The following PALS1 variants were observed in gnomAD, a reference collection of about 807,000 sequenced individuals.
The protein encoded by PALS1 is protein PALS1.
A neutral mutation model predicts 78.9 loss-of-function variants in PALS1; 31 were observed. The observed-to-expected ratio is 0.39, with a 90% CI of 0.30 to 0.53. PALS1 has a LOEUF of 0.53. PALS1 is among the 20% of genes least tolerant of loss of function. PALS1 has a pLI of 0.67. For synonymous variants in PALS1, 276 were observed against 270.9 expected (o/e 1.02, Z -0.18); for missense variants, 704 against 826.5 (o/e 0.85, Z 1.82).
At chr14:67,307,303 A>G (rs547689885) in intron 8 of PALS1, among the ~76,000 whole-genome samples, 29 of 144,362 alleles carry the variant, frequency 2.0e-4, no homozygotes, top group Non-Finnish European at 3.5e-4. Flanking sequence ...AGATTATTCT[A>G]TACTATAATA....
chr14:67,312,841 G>A (rs759744245), intron 9 of PALS1, 131 bp downstream of exon 9: 4 of 690,050 alleles, frequency 5.8e-6, no homozygotes, highest in African/African-American at 1.8e-5. Context: ...GTGTAGTTGG[G>A]TTTTTATGTT....
chr14:67,269,850 A>C (rs1349911919), intron 2 of PALS1, 67 bp downstream of exon 2: 1 of 152,562 alleles, frequency 6.6e-6, no homozygotes, highest in Non-Finnish European at 1.5e-5. Context: ...CTATGGAAAC[A>C]AATAGTTTAA....
intron 9 of PALS1, among the ~76,000 whole-genome samples, chr14:67,316,453 A>G (rs1429827704): frequency 6.6e-6 from 1 of 152,200 alleles, no homozygotes; most frequent in Non-Finnish European, 1.5e-5. Context: ...TGTTTTGGAA[A>G]AGTTAATTCC....
intron 1 of PALS1, among the ~76,000 whole-genome samples, chr14:67,247,417 G>A (rs757309328): frequency 3.3e-5 from 5 of 151,944 alleles, no homozygotes; most frequent in African/African-American, 1.2e-4. Context: ...TTTTATTTTA[G>A]TAATTTTTTT....
intron 3 of PALS1, among the ~76,000 whole-genome samples, chr14:67,291,702 A>C (rs963190043): frequency 9.9e-5 from 15 of 152,258 alleles, no homozygotes; most frequent in Non-Finnish European, 2.2e-4. Flanking sequence ...AGTACAACTT[A>C]GGAGACTCAC....
At chr14:67,268,317 C>G (rs914127338) in intron 1 of PALS1, among the ~76,000 whole-genome samples, 1 of 152,154 alleles carries the variant, frequency 6.6e-6, no homozygotes, top group East Asian at 1.9e-4. Flanking sequence ...AACTCTCATA[C>G]GATCGAATTC....
intron 3 of PALS1, among the ~76,000 whole-genome samples, chr14:67,284,582 A>G (rs1258177979): frequency 6.9e-6 from 1 of 144,728 alleles, no homozygotes; most frequent in African/African-American, 2.6e-5. Flanking sequence ...AAAAAAAAAA[A>G]AAAAAAGGTT....
intron 1 of PALS1, among the ~76,000 whole-genome samples, chr14:67,253,227 T>C (rs562314226): frequency 9.8e-5 from 15 of 152,354 alleles, no homozygotes; most frequent in Admixed American, 2.6e-4. Flanking sequence ...AGATGGTACA[T>C]CAAGAATGGT....
chr14:67,306,360 T>C (rs2085003873), intron 8 of PALS1, among the ~76,000 whole-genome samples: 1 of 152,164 alleles, frequency 6.6e-6, no homozygotes, highest in Admixed American at 6.5e-5. Flanking sequence ...TTTTGTTTTT[T>C]TTGAGACAGA....
Position 67,279,491 on chromosome 14 carries a change from G to A in PALS1, c.321G>A (p.Glu107=), listed in dbSNP as rs2084569882. 5.7e-6 allele frequency: 9 copies of A among 1,579,712 alleles called. No homozygotes were observed. Among genetic ancestry groups the A allele is most frequent in the Non-Finnish European group, 6.9e-6 (8 of 1,165,246 alleles). The change falls in exon 3 of 15, where the codon GAG becomes GAA. Residue 107 remains glutamate, a synonymous_variant. Transcript: ENST00000261681. ...TAGATAACCCTATGTTTGATACAGA[G>A]GAAGGAATTGTCTTAGAAAGTCCTC... ...TGIDNPMFDT[E]EGIVLESPHY...
chr14:67,312,018 G>C (rs2085097748), intron 8 of PALS1: 1 of 152,640 alleles, frequency 6.6e-6, no homozygotes, highest in Admixed American at 6.5e-5. Context: ...GTAAGGTAAA[G>C]TGTACCTTTT....
chr14:67,286,710 T>G (rs924665526), intron 3 of PALS1, among the ~76,000 whole-genome samples: 8 of 150,708 alleles, frequency 5.3e-5, no homozygotes, highest in African/African-American at 2.0e-4. Context: ...AATACAAAAA[T>G]AGCCAGGTGT....
intron 14 of PALS1, among the ~76,000 whole-genome samples, chr14:67,324,377 G>A: frequency 6.6e-6 from 1 of 151,986 alleles, no homozygotes; most frequent in Non-Finnish European, 1.5e-5. Flanking sequence ...ATGTAAGATG[G>A]TAACTCTGTC....
intron 1 of PALS1, among the ~76,000 whole-genome samples, chr14:67,247,418 T>A (rs979913595): frequency 5.9e-5 from 9 of 152,158 alleles, no homozygotes; most frequent in African/African-American, 1.7e-4. Context: ...TTTATTTTAG[T>A]AATTTTTTTT....
chr14:67,270,918 G>C (rs1160860243), intron 2 of PALS1: 2 of 152,166 alleles, frequency 1.3e-5, no homozygotes, highest in Admixed American at 1.3e-4. Flanking sequence ...CTTGAAGGTA[G>C]AAATCAATGG....
intron 1 of PALS1, among the ~76,000 whole-genome samples, chr14:67,262,599 A>T (rs762741010): frequency 1.3e-5 from 2 of 152,118 alleles, no homozygotes; most frequent in Non-Finnish European, 2.9e-5. Flanking sequence ...TTTATTGGCC[A>T]CTCCACTTAC....
At position 67,334,316 on chromosome 14, in the gene PALS1, A is replaced by AAACTT. The variant is rs2085496300; in HGVS notation, c.*1363_*1367dup. The AAACTT allele has an allele frequency of 6.6e-6, 1 of 152,634 alleles. No individual in the cohort carries two copies. Among genetic ancestry groups the AAACTT allele is most frequent in the Non-Finnish European group, 1.5e-5 (1 of 68,018 alleles). The allele number at this position is 152,634 out of a possible 1,614,324, so 9.5% of individuals were successfully genotyped here. A position where few individuals can be genotyped will look rare whatever the true frequency, so the allele number is the denominator to read the frequency against. ...AATTCAACGTATATAATTGGCATGGAAACTTAATTTGCAGTCTTTTCAAGC... is the reference window on the plus strand; with the variant it reads ...AATTCAACGTATATAATTGGCATGGAAACTTAACTTAATTTGCAGTCTTTTCAAGC... On this transcript the variant is annotated 3_prime_UTR_variant, in exon 15 of 15. Coordinates refer to ENST00000261681, the MANE Select transcript of PALS1 (RefSeq NM_022474.4).
intron 6 of PALS1, 132 bp from the exon 7 acceptor site, chr14:67,302,275 AGTT>A (rs1247463056): frequency 3.8e-6 from 4 of 1,045,026 alleles, no homozygotes; most frequent in Non-Finnish European, 5.1e-6. Flanking sequence ...CAATTACTCT[AGTT>A]GTGTAAATAA....
At chr14:67,318,103 G>GT (rs1333225071) in intron 11 of PALS1, among the ~76,000 whole-genome samples, 1 of 152,098 alleles carries the variant, frequency 6.6e-6, no homozygotes, top group East Asian at 1.9e-4. Context: ...TCCTTAGTTT[G>GT]TTTTTATGGG....
Sources: gnomAD v4.1 joint callset for allele counts (sites outside exome capture counted in the v4.1 genomes callset) on GRCh38, gnomAD v4.1.1 for gene constraint, MANE v1.5 for transcripts, NCBI Gene and HGNC (gene_info 2026-07-23, HGNC 2026-07-21) for gene names.